SEMA5A: variants seen among roughly 807,000 people sequenced by gnomAD.
SEMA5A encodes semaphorin-5A.
SEMA5A carries 55 observed loss-of-function variants against 135.5 expected under a neutral mutation model. That is an observed-to-expected ratio of 0.41 (90% CI 0.33 to 0.51). The LOEUF (loss-of-function observed/expected upper bound fraction) is 0.51, where lower values mean the gene tolerates loss of function less well. Ranked by LOEUF, SEMA5A falls within the 20% of genes least tolerant of loss-of-function variation. SEMA5A has a pLI of 0.37. For missense variants in SEMA5A, 1,290 were observed against 1,419.9 expected (o/e 0.91, Z 1.47); for synonymous variants, 580 against 546.5 (o/e 1.06, Z -0.85).
At chr5:9,162,965 T>C (rs1743376056) in intron 11 of SEMA5A, among the ~76,000 whole-genome samples, 1 of 152,164 alleles carries the variant, frequency 6.6e-6, no homozygotes, top group Admixed American at 6.6e-5. Context: ...AAGAGACATA[T>C]GCAATCCCTA....
intron 1 of SEMA5A, among the ~76,000 whole-genome samples, chr5:9,471,257 T>C (rs952231413): frequency 6.6e-6 from 1 of 152,168 alleles, no homozygotes; most frequent in African/African-American, 2.4e-5. Flanking sequence ...CTCAACATGT[T>C]GGGGCTGATG....
At chr5:9,146,980 T>C (rs979553905) in intron 12 of SEMA5A, among the ~76,000 whole-genome samples, 3 of 152,176 alleles carry the variant, frequency 2.0e-5, no homozygotes, top group Non-Finnish European at 2.9e-5. Context: ...AATGACCAAA[T>C]GAGTAAGGTT....
chr5:9,462,597 T>C (rs1759097943), intron 1 of SEMA5A, among the ~76,000 whole-genome samples: 1 of 152,110 alleles, frequency 6.6e-6, no homozygotes, highest in African/African-American at 2.4e-5. Context: ...AATTTTAGAC[T>C]GGATAAAGAA....
At chr5:9,102,041 A>G (rs1445641374) in intron 16 of SEMA5A, among the ~76,000 whole-genome samples, 1 of 152,230 alleles carries the variant, frequency 6.6e-6, no homozygotes, top group African/African-American at 2.4e-5. Context: ...ATATCTCTTC[A>G]TAACAACCCA....
intron 5 of SEMA5A, among the ~76,000 whole-genome samples, chr5:9,257,150 C>T (rs1368435199): frequency 6.6e-6 from 1 of 152,204 alleles, no homozygotes; most frequent in Non-Finnish European, 1.5e-5. Flanking sequence ...TGTGGCTTAA[C>T]TGGGGCGGTG....
rs570303914 is a variant in SEMA5A at position 9,308,554 on chromosome 5, C to T, written c.270+9818G>A. 2.0e-5 allele frequency among the ~76,000 whole-genome samples: 3 copies of T among 152,254 alleles called. No individual in the cohort carries two copies. The South Asian group carries it at 6.2e-4, about 32-fold the overall frequency. ...AAGTAAATCACATGCTTGAGAACCC[C>T]TATCTCAGACTGTGTTTCCAGGGTA... On this transcript the variant is annotated intron_variant, in intron 5 of 22. Transcript: ENST00000382496.
intron 2 of SEMA5A, among the ~76,000 whole-genome samples, chr5:9,393,884 G>A (rs896576818): frequency 2.0e-5 from 3 of 152,048 alleles, no homozygotes; most frequent in Non-Finnish European, 2.9e-5. Context: ...AATAATACAG[G>A]TGTCCATTGA....
intron 15 of SEMA5A, among the ~76,000 whole-genome samples, chr5:9,108,862 A>G (rs1211399181): frequency 1.3e-5 from 2 of 151,542 alleles, no homozygotes; most frequent in Non-Finnish European, 2.9e-5. Flanking sequence ...AAACAATTTA[A>G]AAGACCACTC....
At chr5:9,239,768 G>A (rs1026539815) in intron 5 of SEMA5A, among the ~76,000 whole-genome samples, 2 of 151,894 alleles carry the variant, frequency 1.3e-5, no homozygotes, top group Non-Finnish European at 2.9e-5. Context: ...CAATTACTAG[G>A]AAAACTATAC....
intron 2 of SEMA5A, among the ~76,000 whole-genome samples, chr5:9,397,529 T>C (rs1446136971): frequency 6.6e-6 from 1 of 152,250 alleles, no homozygotes; most frequent in African/African-American, 2.4e-5. Flanking sequence ...TGCAGGTCTT[T>C]AAGGTTATAA....
intron 5 of SEMA5A, among the ~76,000 whole-genome samples, chr5:9,282,464 C>T (rs1750591733): frequency 6.6e-6 from 1 of 152,052 alleles, no homozygotes; most frequent in Admixed American, 6.6e-5. Context: ...CAATAACTTG[C>T]CCATTCCTAA....
At chr5:9,399,496 G>A (rs116504785) in intron 2 of SEMA5A, among the ~76,000 whole-genome samples, 3,211 of 152,240 alleles carry the variant, frequency 0.021, 55 homozygotes, top group South Asian at 0.038. Flanking sequence ...TAATGGATAC[G>A]GGTGTTCTTT....
chr5:9,163,183 C>T (rs1743389532), intron 11 of SEMA5A, among the ~76,000 whole-genome samples: 1 of 151,866 alleles, frequency 6.6e-6, no homozygotes, highest in African/African-American at 2.4e-5. Context: ...CTCTATCAGG[C>T]TTCAAGCTCC....
At chr5:9,390,420 C>A (rs1756110944) in intron 2 of SEMA5A, among the ~76,000 whole-genome samples, 1 of 152,198 alleles carries the variant, frequency 6.6e-6, no homozygotes, top group Non-Finnish European at 1.5e-5. Flanking sequence ...TTATAATTCA[C>A]ACCAGAAAGA....
At chr5:9,167,435 C>T (rs537940231) in intron 11 of SEMA5A, among the ~76,000 whole-genome samples, 1 of 152,178 alleles carries the variant, frequency 6.6e-6, no homozygotes, top group Non-Finnish European at 1.5e-5. Context: ...ATCCTGAATC[C>T]ACTGGCTAGG....
intron 11 of SEMA5A, among the ~76,000 whole-genome samples, chr5:9,170,797 G>GT (rs1332515207): frequency 2.0e-5 from 3 of 152,294 alleles, no homozygotes; most frequent in South Asian, 2.1e-4. Context: ...GTCGACAGTA[G>GT]TTTTTTATAG....
intron 1 of SEMA5A, among the ~76,000 whole-genome samples, chr5:9,486,220 T>C (rs541316269): frequency 6.6e-6 from 1 of 151,916 alleles, no homozygotes; most frequent in Admixed American, 6.5e-5. Context: ...AGGTGAACAA[T>C]GAGAACACAT....
chr5:9,239,452 A>G (rs537726723), intron 5 of SEMA5A, among the ~76,000 whole-genome samples: 5 of 152,314 alleles, frequency 3.3e-5, no homozygotes, highest in African/African-American at 1.2e-4. Context: ...TTGCATAACT[A>G]TATCCCCATG....
At chr5:9,266,237 C>T (rs1359219859) in intron 5 of SEMA5A, among the ~76,000 whole-genome samples, 1 of 152,138 alleles carries the variant, frequency 6.6e-6, no homozygotes, top group African/African-American at 2.4e-5. Flanking sequence ...TTTGATATAT[C>T]AGATAACACA....
Sources: allele counts gnomAD v4.1 joint callset (sites outside exome capture counted in the v4.1 genomes callset), GRCh38; gene constraint gnomAD v4.1.1; transcripts MANE v1.5; gene names NCBI Gene and HGNC (gene_info 2026-07-23, HGNC 2026-07-21).